The following KANK1 variants were observed in gnomAD, a reference collection of about 807,000 sequenced individuals.
The protein encoded by KANK1 is KN motif and ankyrin repeat domain-containing protein 1.
Under a neutral mutation model 106.2 loss-of-function variants are expected in KANK1, and 109 were observed. That is an observed-to-expected ratio of 1.03 (90% CI 0.88 to 1.20). KANK1 has a LOEUF of 1.20. KANK1 is among the 50% of genes most tolerant of loss of function. The pLI, the probability that KANK1 is intolerant of heterozygous loss-of-function variation, is 0.00. For missense variants in KANK1, 2,399 were observed against 1,710.7 expected (o/e 1.40, Z -7.10); for synonymous variants, 873 against 652.2 (o/e 1.34, Z -5.16).
At chr9:556,842 G>A (rs1005757560) in intron 1 of KANK1, among the ~76,000 whole-genome samples, 1 of 152,080 alleles carries the variant, frequency 6.6e-6, no homozygotes. Context: ...CTCACTTAGG[G>A]CTCATTCCTC....
chr9:539,289 A>G (rs898466884), intron 1 of KANK1, among the ~76,000 whole-genome samples: 3 of 152,222 alleles, frequency 2.0e-5, no homozygotes, highest in Non-Finnish European at 4.4e-5. Flanking sequence ...GTAAAAAATT[A>G]CATTGGAATT....
chr9:667,548 G>A (rs1404261010), intron 1 of KANK1, among the ~76,000 whole-genome samples: 3 of 151,796 alleles, frequency 2.0e-5, no homozygotes, highest in Non-Finnish European at 2.9e-5. Flanking sequence ...CTTTTTTGAT[G>A]TAGATGTTTA....
At chr9:642,618 A>T (rs1186195765) in intron 1 of KANK1, among the ~76,000 whole-genome samples, 2 of 150,946 alleles carry the variant, frequency 1.3e-5, no homozygotes, top group African/African-American at 2.5e-5. Flanking sequence ...TTACCAGCTG[A>T]TAAAATTCCC....
intron 3 of KANK1, among the ~76,000 whole-genome samples, chr9:491,566 C>G (rs113054586): frequency 1.2e-4 from 18 of 152,138 alleles, no homozygotes; most frequent in African/African-American, 3.9e-4. Flanking sequence ...TGTGCCCGGC[C>G]TGGAGTGCAA....
At chr9:645,257 A>G (rs975314345) in intron 1 of KANK1, among the ~76,000 whole-genome samples, 13 of 149,750 alleles carry the variant, frequency 8.7e-5, no homozygotes, top group Non-Finnish European at 1.5e-4. Context: ...CCTGGCCAAC[A>G]TGGCAAAACC....
At chr9:684,990 C>G (rs767946178) in intron 2 of KANK1, among the ~76,000 whole-genome samples, 14 of 152,154 alleles carry the variant, frequency 9.2e-5, no homozygotes, top group Admixed American at 8.5e-4. Flanking sequence ...TTATAAGATT[C>G]ATTCAAACAG....
chr9:655,269 G>A (rs1297404682), intron 1 of KANK1, among the ~76,000 whole-genome samples: 1 of 151,968 alleles, frequency 6.6e-6, no homozygotes, highest in African/African-American at 2.4e-5. Context: ...TACTCGGGAG[G>A]CTGAGGCAGG....
intron 3 of KANK1, among the ~76,000 whole-genome samples, chr9:727,937 C>T (rs1831172610): frequency 6.6e-6 from 1 of 152,118 alleles, no homozygotes; most frequent in Admixed American, 6.6e-5. Context: ...ACCTGAAAAA[C>T]TAGTTCAGGC....
chr9:709,082 A>G (rs566774095), intron 2 of KANK1, among the ~76,000 whole-genome samples: 9 of 152,288 alleles, frequency 5.9e-5, no homozygotes, highest in African/African-American at 1.7e-4. Flanking sequence ...CATTCTTTGC[A>G]TCTGTTTGAA....
rs1002087938 is a variant in KANK1, at chr9:717,588, T to C, written c.2698+4124T>C. Among the ~76,000 whole-genome samples, 84 of 152,188 alleles carry C rather than the reference T, an allele frequency of 5.5e-4. 1 individual carries two copies. Among genetic ancestry groups the C allele is most frequent in the Non-Finnish European group, 2.1e-4 (14 of 68,040 alleles). On this transcript the variant is annotated intron_variant, in intron 3 of 11. Transcript: ENST00000382297. ...CCAGAGGTGTTCTGTATTTTTTAAT[T>C]CCTGATAGTATGAGTTTAATGCATT...
At chr9:520,979 G>A (rs974686149) in intron 1 of KANK1, among the ~76,000 whole-genome samples, 2 of 151,882 alleles carry the variant, frequency 1.3e-5, no homozygotes, top group Admixed American at 1.3e-4. Context: ...GGATGCTACT[G>A]TCAAGAGAAG....
chr9:538,470 A>C (rs978976172), intron 1 of KANK1, among the ~76,000 whole-genome samples: 6 of 152,238 alleles, frequency 3.9e-5, no homozygotes, highest in African/African-American at 1.4e-4. Context: ...TTGACAAAAC[A>C]ATTTTGAGGA....
chr9:581,282 G>A (rs972998145), intron 1 of KANK1, among the ~76,000 whole-genome samples: 1 of 152,234 alleles, frequency 6.6e-6, no homozygotes, highest in Admixed American at 6.5e-5. Flanking sequence ...CCGAGAGCAG[G>A]CAAGGGCTGA....
intron 2 of KANK1, chr9:707,185 C>G (rs2130728744): frequency 2.0e-6 from 2 of 985,876 alleles, no homozygotes; most frequent in Non-Finnish European, 2.4e-6. Flanking sequence ...CCGGGTCCGG[C>G]TGAGCTGGAG....
chr9:517,550 CT>C (rs1041542592), intron 1 of KANK1, among the ~76,000 whole-genome samples: 13 of 151,344 alleles, frequency 8.6e-5, no homozygotes, highest in African/African-American at 2.7e-4. Flanking sequence ...ATAGGGAAGC[CT>C]TTTTTTTCCT....
intron 2 of KANK1, among the ~76,000 whole-genome samples, chr9:687,245 G>C (rs1000622315): frequency 1.3e-5 from 2 of 152,004 alleles, no homozygotes; most frequent in Non-Finnish European, 2.9e-5. Context: ...TGCGAGCATT[G>C]GTCCTTCTTT....
At chr9:615,723 A>G (rs1467103970) in intron 1 of KANK1, among the ~76,000 whole-genome samples, 1 of 152,210 alleles carries the variant, frequency 6.6e-6, no homozygotes, top group Non-Finnish European at 1.5e-5. Flanking sequence ...CATAAAGTCC[A>G]AGACATGAAG....
chr9:695,612 G>T lies in KANK1; in HGVS notation c.38-15192G>T, dbSNP rs538985568. Among the ~76,000 whole-genome samples, 12 of 149,036 alleles carry T rather than the reference G, an allele frequency of 8.1e-5. No individual in the cohort carries two copies. The South Asian group carries it at 1.3e-3, about 16-fold the overall frequency. ...ATACCTTAAACCCTGACTTCGTGGG[G>T]GGGGGGGCAAGGTATAGAGGAGGAA... is the stretch of plus-strand genomic sequence containing the variant. On this transcript the variant is annotated intron_variant, in intron 2 of 11. Coordinates refer to ENST00000382297, the MANE Select transcript of KANK1 (RefSeq NM_015158.5).
chr9:655,499 C>G (rs1186752771), intron 1 of KANK1, among the ~76,000 whole-genome samples: 1 of 152,122 alleles, frequency 6.6e-6, no homozygotes, highest in Non-Finnish European at 1.5e-5. Context: ...GCTCCTTCCA[C>G]TTCAGTGTGC....
Sources: gnomAD v4.1 joint callset for allele counts (sites outside exome capture counted in the v4.1 genomes callset) on GRCh38, gnomAD v4.1.1 for gene constraint, MANE v1.5 for transcripts, NCBI Gene and HGNC (gene_info 2026-07-23, HGNC 2026-07-21) for gene names.